The following NEB variants were observed in gnomAD, a reference collection of about 807,000 sequenced individuals.
The protein encoded by NEB is nebulin.
In NEB, 512 loss-of-function variants were observed where a neutral mutation model predicts 952.2. The ratio of observed to expected loss-of-function variants is 0.54; its 90% confidence interval spans 0.50 to 0.58. NEB has a LOEUF of 0.58. Ranked by LOEUF, NEB falls within the 20% of genes least tolerant of loss-of-function variation. The probability of loss-of-function intolerance (pLI) is 0.00; values close to 1 mark genes in which losing one functional copy is unlikely to be tolerated. For missense variants in NEB, 8,428 were observed against 9,231.1 expected (o/e 0.91, Z 3.56); for synonymous variants, 2,900 against 3,149.8 (o/e 0.92, Z 2.66).
chr2:151,690,856 T>C (rs759114581), intron 23 of NEB, 31 bp from the exon 24 acceptor site: 1 of 1,456,008 alleles, frequency 6.9e-7, no homozygotes, highest in Non-Finnish European at 9.4e-7. Flanking sequence ...TAATGAAATA[T>C]CAGTATATTC....
rs760937561 is a variant in NEB at position 151,666,346 on chromosome 2, C to G, written c.4775G>C (p.Ser1592Thr). 46 of 1,613,790 alleles carry G rather than the reference C, an allele frequency of 2.9e-5. No homozygotes were observed. Among genetic ancestry groups the G allele is most frequent in the Non-Finnish European group, 3.6e-5 (43 of 1,179,852 alleles). Residue 1592 changes from serine (S) to threonine (T), a missense_variant, in exon 41 of 182, where the codon AGT becomes ACT. Around this residue, in one of 11 missense-constraint regions of NEB, gnomAD observed 2,851 missense variants for 2,791.5 expected, o/e 1.02. Transcript: ENST00000397345. ...KAKGKQVGFL[S>T]LQDDPKLVHY... ...AACCAGTTTAGGATCATCCTGAAGA[C>G]TGAGAAATCCAACTTGCTTGCCTTT...
chr2:151,519,807 T>C (rs755901684), intron 153 of NEB, 39 bp from the exon 154 acceptor site: 30 of 1,364,284 alleles, frequency 2.2e-5, no homozygotes, highest in Non-Finnish European at 2.8e-5. Flanking sequence ...TTCCTGGACA[T>C]CAATCAATTT....
intron 72 of NEB, 127 bp downstream of exon 72, chr2:151,620,792 T>C: frequency 1.5e-6 from 1 of 663,554 alleles, no homozygotes; most frequent in Non-Finnish European, 2.5e-6. Context: ...TATCTGTATC[T>C]CAACCCTCAG....
chr2:151,497,286 T>TTTTA (rs2060872586), intron 171 of NEB: 1 of 950,574 alleles, frequency 1.1e-6, no homozygotes, highest in African/African-American at 1.8e-5. Flanking sequence ...ATGTTATTTT[T>TTTTA]TTTTTTCCTT....
chr2:151,486,089 T>C (rs1333124817), intron 181 of NEB, among the ~76,000 whole-genome samples, 156 bp from the exon 182 acceptor site: 2 of 152,174 alleles, frequency 1.3e-5, no homozygotes, highest in Non-Finnish European at 2.9e-5. Context: ...ACCCACAAAA[T>C]AGGAAATACT....
intron 55 of NEB, among the ~76,000 whole-genome samples, chr2:151,645,775 G>A (rs1291292157): frequency 1.3e-5 from 2 of 152,148 alleles, no homozygotes; most frequent in Non-Finnish European, 2.9e-5. Context: ...ATTTCATTGA[G>A]TGTCTACTAT....
At chr2:151,560,897 C>T in intron 123 of NEB, 107 bp downstream of exon 123, 2 of 807,516 alleles carry the variant, frequency 2.5e-6, no homozygotes, top group Non-Finnish European at 1.9e-6. Context: ...CAGGAAAAAA[C>T]CATAGAAAAG....
rs996353617 is a variant in NEB at position 151,584,034 on chromosome 2, C to G, written c.15664-268G>C. On this transcript the variant is annotated intron_variant, in intron 100 of 181. Transcript: ENST00000397345. ...AGCTAACATTTACTAAGTAATTACT[C>G]TATGCCGGACACTATTATGACTACT... Among the ~76,000 whole-genome samples, 9 of 84,802 alleles carry G rather than the reference C, an allele frequency of 1.1e-4. No homozygotes were observed. In the South Asian group the frequency reaches 1.6e-3, roughly 15 times the overall value. The allele number at this position is 84,802 out of a possible 152,430, so 55.6% of individuals were successfully genotyped here.
rs1049555272 is a variant in NEB at position 151,616,049 on chromosome 2, C to T, written c.11242G>A (p.Ala3748Thr). ...KKEGYDLRLD[A>T]IPIQAAKASR... ...GCCTTGGCTGCTTGGATTGGAATGG[C>T]ATCCAGACGCAAGTCATAGCCTTCC... is the stretch of plus-strand genomic sequence containing the variant. Residue 3748 changes from alanine to threonine, a missense_variant, in exon 76 of 182, where the codon GCC (alanine) becomes ACC (threonine). Around this residue, in one of 11 missense-constraint regions of NEB, gnomAD observed 1,772 missense variants for 1,960.3 expected, o/e 0.90. Transcript: ENST00000397345. 6.2e-7 allele frequency: 1 copy of T among 1,613,092 alleles called. No homozygotes were observed.
Position 151,691,875 on chromosome 2 carries a change from G to C in NEB, c.2200C>G (p.Gln734Glu), listed in dbSNP as rs780299519. The change falls in exon 23 of 182, where the codon CAG (glutamine) becomes GAG (glutamate). Residue 734 changes from glutamine (Q) to glutamate (E), a missense_variant. Around this residue, in one of 11 missense-constraint regions of NEB, gnomAD observed 2,851 missense variants for 2,791.5 expected, o/e 1.02. Coordinates refer to ENST00000397345, the MANE Select transcript of NEB (RefSeq NM_001164508.2). ...QEYEAIKKLDQCKDHTYKVHP... is the reference protein window; with the variant it reads ...QEYEAIKKLDECKDHTYKVHP... ...GGCAGCTAACTTACATCTTTACACT[G>C]GTCCAGCTTCTTGATTGCTTCATAT... The C allele has an allele frequency of 8.8e-6, 14 of 1,594,198 alleles. No homozygotes were observed. Among genetic ancestry groups the C allele is most frequent in the Middle Eastern group, 3.3e-4 (2 of 6,056 alleles).
chr2:151,659,941 C>CT (rs2154160841), intron 46 of NEB, among the ~76,000 whole-genome samples: 1 of 152,132 alleles, frequency 6.6e-6, no homozygotes, highest in South Asian at 2.1e-4. Flanking sequence ...AACTTATGGC[C>CT]TCTAGCCTTT....
Position 151,502,851 on chromosome 2 carries a change from G to A in NEB, c.23870C>T (p.Pro7957Leu). The A allele has an allele frequency of 6.2e-7, 1 of 1,606,060 alleles. No individual in the cohort carries two copies. Among genetic ancestry groups the A allele is most frequent in the Non-Finnish European group, 8.5e-7 (1 of 1,176,544 alleles). Reference sequence around the variant, plus strand: ...CTCCATCTCTGGAGTGATAGGTGTTGGGATTCCTTTCCCCAAATTTTCTTT... The same window carrying A: ...CTCCATCTCTGGAGTGATAGGTGTTAGGATTCCTTTCCCCAAATTTTCTTT... ...LYKENLGKGI[P>L]TPITPEMERV... Residue 7957 changes from proline to leucine, a missense_variant, in exon 167 of 182, where the codon CCA (proline) becomes CTA (leucine). Coordinates refer to ENST00000397345, the MANE Select transcript of NEB (RefSeq NM_001164508.2).
At chr2:151,625,360 T>C (rs991818679) in intron 71 of NEB, among the ~76,000 whole-genome samples, 174 bp downstream of exon 71, 1 of 152,186 alleles carries the variant, frequency 6.6e-6, no homozygotes, top group Non-Finnish European at 1.5e-5. Flanking sequence ...TCTATCTACC[T>C]TTCTATCTGC....
intron 181 of NEB, 150 bp downstream of exon 181, chr2:151,489,821 G>T: frequency 4.1e-6 from 2 of 491,610 alleles, no homozygotes; most frequent in South Asian, 4.4e-5. Context: ...AAAGTTTTCT[G>T]ATATCATTAA....
At position 151,642,599 on chromosome 2, in the gene NEB, T is replaced by A; in HGVS notation, c.8348A>T (p.Lys2783Met). The A allele has an allele frequency of 6.2e-7, 1 of 1,613,622 alleles. No individual in the cohort carries two copies. The highest frequency in any genetic ancestry group is 8.5e-7 in the Non-Finnish European group (1 of 1,179,628). Residue 2783 changes from lysine to methionine, a missense_variant, in exon 60 of 182, where the codon AAG (lysine) becomes ATG (methionine). Around this residue, in one of 11 missense-constraint regions of NEB, gnomAD observed 1,772 missense variants for 1,960.3 expected, o/e 0.90. Transcript: ENST00000397345. Reference protein sequence around the residue: ...RVDAIPIKAAKASRDIASEFK... With the variant: ...RVDAIPIKAAMASRDIASEFK... ...TTCACTTGCAATATCTCTGGAGGCC[T>A]TGGCTGCCTTGATAGGAATGGCATC...
intron 135 of NEB, 115 bp from the exon 136 acceptor site, chr2:151,541,666 T>A (rs1308940107): frequency 1.3e-6 from 1 of 749,586 alleles, no homozygotes; most frequent in Non-Finnish European, 2.2e-6. Context: ...ACTGCAACGA[T>A]TGCAGTTTCT....
chr2:151,621,402 T>C (rs890752134), intron 71 of NEB, among the ~76,000 whole-genome samples: 1 of 152,208 alleles, frequency 6.6e-6, no homozygotes, highest in Non-Finnish European at 1.5e-5. Flanking sequence ...CAGTATCATA[T>C]AATAACATAT....
chr2:151,525,412 C>T, intron 150 of NEB, 139 bp from the exon 151 acceptor site: 2 of 639,902 alleles, frequency 3.1e-6, no homozygotes, highest in Admixed American at 2.7e-5. Flanking sequence ...GACCCATATT[C>T]TAGTTCTTCT....
chr2:151,677,584 T>C lies in NEB; in HGVS notation c.3755A>G (p.Asn1252Ser). ...DSPVMVQAKQ[N>S]TKQVSDILYK... ...ACTCACATCACTGACTTGCTTCGTG[T>C]TCTGTTTTGCCTGGACCATAACTGG... is the stretch of plus-strand genomic sequence containing the variant. The change falls in exon 34 of 182, where the codon AAC becomes AGC. Residue 1252 changes from asparagine to serine, a missense_variant. Asn to Ser is a conservative substitution (Grantham distance 46). Coordinates refer to ENST00000397345, the MANE Select transcript of NEB (RefSeq NM_001164508.2). The C allele has an allele frequency of 6.2e-7, 1 of 1,613,704 alleles. No individual in the cohort carries two copies. The highest frequency in any genetic ancestry group is 1.1e-5 in the South Asian group (1 of 91,036).
Sources: gnomAD v4.1 joint callset for allele counts (sites outside exome capture counted in the v4.1 genomes callset) on GRCh38, gnomAD v4.1.1 for gene constraint, gnomAD v4.1.1 regional missense constraint, MANE v1.5 for transcripts, NCBI Gene and HGNC (gene_info 2026-07-23, HGNC 2026-07-21) for gene names.